The following CAPSL variants were observed in gnomAD, a reference collection of about 807,000 sequenced individuals.
The protein encoded by CAPSL is calcyphosine like.
In CAPSL, 17 loss-of-function variants were observed where a neutral mutation model predicts 21.3. The observed-to-expected ratio is 0.80, with a 90% CI of 0.55 to 1.20. The LOEUF (loss-of-function observed/expected upper bound fraction) is 1.20. CAPSL is among the 50% of genes most tolerant of loss of function. The pLI is 0.00. For synonymous variants in CAPSL, 102 were observed against 89.3 expected (o/e 1.14, Z -0.80); for missense variants, 289 against 259.3 (o/e 1.11, Z -0.79).
In CAPSL at chr5:35,913,217, C is replaced by A. The variant is rs527908527; in HGVS notation, c.138-2674G>T. ...GAAATATGGGACTATGTGAAAAGAC[C>A]AAATCTATGTCTGATTGGTGTACCT... is the stretch of plus-strand genomic sequence containing the variant. On this transcript the variant is annotated intron_variant, in intron 2 of 4. Transcript: ENST00000651391. 2.6e-5 allele frequency among the ~76,000 whole-genome samples: 4 copies of A among 152,074 alleles called. No homozygotes were observed. The South Asian group carries it at 6.2e-4, about 24-fold the overall frequency.
At chr5:35,911,866 G>A (rs947644877) in intron 2 of CAPSL, among the ~76,000 whole-genome samples, 23 of 152,060 alleles carry the variant, frequency 1.5e-4, no homozygotes, top group Admixed American at 1.2e-3. Context: ...GGGGAGTGTC[G>A]GACAGTGGGT....
At position 35,916,518 on chromosome 5, in the gene CAPSL, A is replaced by C. The variant is rs755711467; in HGVS notation, c.137+4466T>G. On this transcript the variant is annotated intron_variant, in intron 2 of 4. Coordinates refer to ENST00000651391, the MANE Select transcript of CAPSL (RefSeq NM_001042625.2). ...ATGGTACTGGTACCAAAACAGAGAT[A>C]TAGACCAATGGAACAGAACAGAGCC... Among the ~76,000 whole-genome samples the C allele has an allele frequency of 1.5e-3, 231 of 152,316 alleles. 1 individual carries two copies. The highest frequency in any genetic ancestry group is 2.5e-3 in the Non-Finnish European group (167 of 68,016).
At chr5:35,924,541 G>T (rs1738620577) in intron 1 of CAPSL, among the ~76,000 whole-genome samples, 1 of 152,146 alleles carries the variant, frequency 6.6e-6, no homozygotes, top group Non-Finnish European at 1.5e-5. Context: ...TTTATTTCTG[G>T]AGTCTAATAA....
chr5:35,930,734 A>T (rs917571138), intron 1 of CAPSL, among the ~76,000 whole-genome samples: 1 of 152,234 alleles, frequency 6.6e-6, no homozygotes, highest in South Asian at 2.1e-4. Flanking sequence ...TTTTAACTTG[A>T]TTAAATTTGA....
chr5:35,906,533 G>A (rs557796404), intron 4 of CAPSL, among the ~76,000 whole-genome samples: 1 of 152,126 alleles, frequency 6.6e-6, no homozygotes, highest in Non-Finnish European at 1.5e-5. Context: ...GCTGAAGTTA[G>A]GCAACCATCT....
intron 1 of CAPSL, among the ~76,000 whole-genome samples, chr5:35,928,620 C>T (rs1203428653): frequency 6.6e-6 from 1 of 152,142 alleles, no homozygotes; most frequent in Non-Finnish European, 1.5e-5. Context: ...GTACAATCCC[C>T]CCCACCCCCA....
At chr5:35,938,760 C>T (rs545975330), upstream of CAPSL, 1 of 152,586 alleles carries the variant, frequency 6.6e-6, no homozygotes, top group East Asian at 1.9e-4. Context: ...TCAATCTCTA[C>T]TCTGGTTCTG....
chr5:35,914,300 C>T (rs7723452), intron 2 of CAPSL, among the ~76,000 whole-genome samples: 62,335 of 151,872 alleles, frequency 0.41, 13,230 homozygotes, highest in African/African-American at 0.46. Context: ...GACAGATCAA[C>T]GAGACAGAAA....
chr5:35,932,881 A>T (rs922447684), intron 1 of CAPSL, among the ~76,000 whole-genome samples: 2 of 152,200 alleles, frequency 1.3e-5, no homozygotes, highest in Non-Finnish European at 2.9e-5. Flanking sequence ...ACGGGCAGTT[A>T]TGAAGGATGC....
chr5:35,914,564 A>C (rs2149920863), intron 2 of CAPSL, among the ~76,000 whole-genome samples: 1 of 152,186 alleles, frequency 6.6e-6, no homozygotes, highest in Middle Eastern at 3.4e-3. Context: ...CTCACTCAAA[A>C]CCTCTCAACT....
At chr5:35,921,857 G>A (rs1433031787) in intron 1 of CAPSL, among the ~76,000 whole-genome samples, 1 of 142,870 alleles carries the variant, frequency 7.0e-6, no homozygotes, top group Non-Finnish European at 1.5e-5. Flanking sequence ...TAACCTGCCT[G>A]TGAGTGAATC....
chr5:35,904,431 C>A lies in CAPSL; in HGVS notation c.*114G>T, dbSNP rs1198728521. ...CCCCAGAAAATGCAATATTTTGACACAGAAAAAAACATTAGGATGAGTGTG... is the reference window on the plus strand; with the variant it reads ...CCCCAGAAAATGCAATATTTTGACAAAGAAAAAAACATTAGGATGAGTGTG... On this transcript the variant is annotated 3_prime_UTR_variant, in exon 5 of 5. Coordinates refer to ENST00000651391, the MANE Select transcript of CAPSL (RefSeq NM_001042625.2). 1.2e-6 allele frequency: 1 copy of A among 800,572 alleles called. No homozygotes were observed. Among genetic ancestry groups the A allele is most frequent in the Non-Finnish European group, 2.0e-6 (1 of 496,898 alleles). 49.6% of individuals were successfully genotyped at this position (800,572 alleles called of 1,614,324 possible).
chr5:35,935,767 C>T lies in CAPSL; in HGVS notation c.-1+2774G>A, dbSNP rs77110495. Among the ~76,000 whole-genome samples the T allele has an allele frequency of 9.5e-3, 1,439 of 152,272 alleles. 22 individuals are homozygous for T. Among genetic ancestry groups the T allele is most frequent in the African/African-American group, 0.033 (1,374 of 41,544 alleles). On this transcript the variant is annotated intron_variant, in intron 1 of 4. Coordinates refer to ENST00000651391, the MANE Select transcript of CAPSL (RefSeq NM_001042625.2). ...CCCAGCCATTACCTACCTCATTCTC[C>T]CTTCTGGATCTACTTCCTTTCTTAT...
intron 1 of CAPSL, among the ~76,000 whole-genome samples, chr5:35,929,646 C>A (rs568478722): frequency 1.6e-4 from 25 of 152,048 alleles, no homozygotes; most frequent in Non-Finnish European, 2.8e-4. Flanking sequence ...TGCTTAAAAC[C>A]GATAAATTGC....
chr5:35,921,076 G>T lies in CAPSL; in HGVS notation c.45C>A (p.Ala15=). Residue 15 remains alanine (A), a synonymous_variant, in exon 2 of 5, where the codon GCC becomes GCA. Coordinates refer to ENST00000651391, the MANE Select transcript of CAPSL (RefSeq NM_001042625.2). ...ARHDREMAIQ[A]KKKLTTATDP... ...CGGTGGCCGTGGTGAGCTTTTTCTT[G>T]GCCTGGATCGCCATCTCTCGGTCAT... 1.2e-6 allele frequency: 2 copies of T among 1,613,976 alleles called. No homozygotes were observed. The highest frequency in any genetic ancestry group is 1.7e-6 in the Non-Finnish European group (2 of 1,180,004).
At chr5:35,923,933 T>C (rs1738602384) in intron 1 of CAPSL, among the ~76,000 whole-genome samples, 1 of 152,222 alleles carries the variant, frequency 6.6e-6, no homozygotes, top group South Asian at 2.1e-4. Context: ...CAGATGTTAC[T>C]AGCTAGATTT....
intron 2 of CAPSL, among the ~76,000 whole-genome samples, chr5:35,917,429 T>C (rs1580886276): frequency 6.6e-6 from 1 of 152,114 alleles, no homozygotes; most frequent in Admixed American, 6.5e-5. Context: ...ATGTTTATTG[T>C]GGCACTATTC....
chr5:35,909,804 C>A (rs911423501), intron 4 of CAPSL, 62 bp downstream of exon 4: 1 of 1,336,082 alleles, frequency 7.5e-7, no homozygotes, highest in Middle Eastern at 1.9e-4. Context: ...GAGTTTGGAC[C>A]TATTTCCCAT....
chr5:35,920,377 G>A (rs1055543123), intron 2 of CAPSL, among the ~76,000 whole-genome samples: 2 of 152,184 alleles, frequency 1.3e-5, no homozygotes, highest in East Asian at 1.9e-4. Flanking sequence ...TCTTGATGGA[G>A]TTTCTTATAA....
Sources: allele counts gnomAD v4.1 joint callset (sites outside exome capture counted in the v4.1 genomes callset), GRCh38; gene constraint gnomAD v4.1.1; transcripts MANE v1.5; gene names NCBI Gene and HGNC (gene_info 2026-07-23, HGNC 2026-07-21).